LATS2: variants seen among roughly 807,000 people sequenced by gnomAD.
LATS2 encodes serine/threonine-protein kinase LATS2.
A neutral mutation model predicts 76.0 loss-of-function variants in LATS2; 24 were observed. That is an observed-to-expected ratio of 0.32 (90% confidence interval 0.23 to 0.44). LATS2 has a LOEUF of 0.44. Among genes scored for constraint, LATS2 ranks in the 20% least tolerant of loss-of-function variants. The pLI is 1.00. For synonymous variants in LATS2, 692 were observed against 635.4 expected (o/e 1.09, Z -1.34); for missense variants, 1,286 against 1,481.2 (o/e 0.87, Z 2.16).
intron 2 of LATS2, among the ~76,000 whole-genome samples, chr13:21,043,010 A>G (rs539417169): frequency 1.6e-4 from 23 of 146,696 alleles, no homozygotes; most frequent in African/African-American, 5.0e-4. Context: ...AACAAAAAAC[A>G]GTAGGAGTGA....
chr13:21,000,361 A>G (rs940490912), intron 2 of LATS2, among the ~76,000 whole-genome samples: 1 of 151,994 alleles, frequency 6.6e-6, no homozygotes, highest in Non-Finnish European at 1.5e-5. Context: ...AGCCTGGGTG[A>G]CAGAGCAAGA....
At position 20,973,656 on chromosome 13, in the gene LATS2, G is replaced by A. The variant is rs1245561171; in HGVS notation, c.*1214C>T. 1 of 230,654 alleles carries A rather than the reference G, an allele frequency of 4.3e-6. No homozygotes were observed. The allele number at this position is 230,654 out of a possible 1,614,324, so 14.3% of individuals were successfully genotyped here. A position where few individuals can be genotyped will look rare whatever the true frequency, so the allele number is the denominator to read the frequency against. ...TAGGAATATGTATTGTTTAAACCAAGTTAAGATTTGATACTTCAAAGTACA... is the reference window on the plus strand; with the variant it reads ...TAGGAATATGTATTGTTTAAACCAAATTAAGATTTGATACTTCAAAGTACA... On this transcript the variant is annotated 3_prime_UTR_variant, in exon 8 of 8. Transcript: ENST00000382592.
chr13:20,981,750 CATTCCA>C lies in LATS2; in HGVS notation c.2483-108_2483-103del. 3 of 948,492 alleles carry C rather than the reference CATTCCA, an allele frequency of 3.2e-6. No individual in the cohort carries two copies. In the South Asian group the frequency reaches 5.1e-5, roughly 16 times the overall value. 58.8% of individuals were successfully genotyped at this position (948,492 alleles called of 1,614,324 possible). On this transcript the variant is annotated intron_variant, in intron 5 of 7. Coordinates refer to ENST00000382592, the MANE Select transcript of LATS2 (RefSeq NM_014572.3). ...GATCCACAGCTTAAAACAGCAAAGTCATTCCAATCAGCTCCTGACATATCAGGACAG... is the reference window on the plus strand; with the variant it reads ...GATCCACAGCTTAAAACAGCAAAGTCATCAGCTCCTGACATATCAGGACAG...
chr13:20,983,431 G>C lies in LATS2; in HGVS notation c.2275C>G (p.Arg759Gly). Residue 759 changes from arginine (R) to glycine (G), a missense_variant, in exon 5 of 8, where the codon CGG becomes GGG. Coordinates refer to ENST00000382592, the MANE Select transcript of LATS2 (RefSeq NM_014572.3). ...AGGTGCTCAGGGAAGACCTCCATCC[G>C]GATCAGCAGGCTCATCATGTCCCCA... ...PGGDMMSLLI[R>G]MEVFPEHLAR... is the part of the protein sequence containing the mutation. 1 of 1,613,978 alleles carries C rather than the reference G, an allele frequency of 6.2e-7. No homozygotes were observed. Among genetic ancestry groups the C allele is most frequent in the Non-Finnish European group, 8.5e-7 (1 of 1,179,978 alleles).
chr13:20,978,082 A>AT (rs1869707604), intron 7 of LATS2, among the ~76,000 whole-genome samples: 1 of 151,828 alleles, frequency 6.6e-6, no homozygotes, highest in Non-Finnish European at 1.5e-5. Context: ...TGCCAGGCTA[A>AT]TTTTTTGTAT....
intron 2 of LATS2, among the ~76,000 whole-genome samples, chr13:20,997,557 G>A (rs892676997): frequency 6.6e-6 from 1 of 152,198 alleles, no homozygotes; most frequent in Non-Finnish European, 1.5e-5. Context: ...TCTGTTGCAG[G>A]TACATCACCA....
At chr13:20,981,862 C>A (rs1029008376) in intron 5 of LATS2, among the ~76,000 whole-genome samples, 4 of 152,094 alleles carry the variant, frequency 2.6e-5, no homozygotes, top group Admixed American at 2.6e-4. Context: ...GGCGCTAGCA[C>A]CAAGGTAGAA....
Position 20,973,395 on chromosome 13 carries a change from G to T in LATS2, c.*1475C>A, listed in dbSNP as rs1869426194. Reference sequence around the variant, plus strand: ...GGAAAAATATGTGGAATAATATAATGAAAATTATGAAGCATCAGATTTTTT... The same window carrying T: ...GGAAAAATATGTGGAATAATATAATTAAAATTATGAAGCATCAGATTTTTT... On this transcript the variant is annotated 3_prime_UTR_variant, in exon 8 of 8. Coordinates refer to ENST00000382592, the MANE Select transcript of LATS2 (RefSeq NM_014572.3). The T allele has an allele frequency of 1.7e-5, 4 of 231,510 alleles. No homozygotes were observed. In the East Asian group the frequency reaches 2.5e-4, roughly 14 times the overall value. 14.3% of individuals were successfully genotyped at this position (231,510 alleles called of 1,614,324 possible). A position where few individuals can be genotyped will look rare whatever the true frequency, so the allele number is the denominator to read the frequency against.
chr13:21,027,580 CCTGT>C (rs1172493975), intron 2 of LATS2, among the ~76,000 whole-genome samples: 3 of 152,162 alleles, frequency 2.0e-5, no homozygotes, highest in African/African-American at 7.2e-5. Context: ...TGTTCCACTA[CCTGT>C]CTATCTAGTC....
intron 4 of LATS2, 45 bp from the exon 5 acceptor site, chr13:20,983,851 TC>T: frequency 6.8e-7 from 1 of 1,473,486 alleles, no homozygotes; most frequent in Non-Finnish European, 9.3e-7. Context: ...ATTAGAGAAG[TC>T]CCATGATAAC....
rs1869891642 is a variant in LATS2 at position 20,981,600 on chromosome 13, T to C, written c.2531A>G (p.Asp844Gly). 1 of 1,614,170 alleles carries C rather than the reference T, an allele frequency of 6.2e-7. No homozygotes were observed. Residue 844 changes from aspartate to glycine, a missense_variant, in exon 6 of 8, where the codon GAT becomes GGT. Asp to Gly is a moderately conservative substitution (Grantham distance 94). Transcript: ENST00000382592. ...GTCCCCACACCGACAGTTAGACACA[T>C]CATCCCAGAGGTCGCTGGGCTCCAT... ...DSMEPSDLWDDVSNCRCGDRL... is the reference protein window; with the variant it reads ...DSMEPSDLWDGVSNCRCGDRL...
At chr13:21,047,934 G>A (rs1478464880) in intron 1 of LATS2, among the ~76,000 whole-genome samples, 1 of 152,088 alleles carries the variant, frequency 6.6e-6, no homozygotes, top group Non-Finnish European at 1.5e-5. Flanking sequence ...ATAAGAGAGA[G>A]ACTAAATAAA....
chr13:20,975,244 C>T lies in LATS2; in HGVS notation c.2893G>A (p.Asp965Asn), dbSNP rs749117314. Residue 965 changes from aspartate (D) to asparagine (N), a missense_variant, in exon 8 of 8, where the codon GAT (aspartate) becomes AAT (asparagine). Around this residue, in one of 5 missense-constraint regions of LATS2, gnomAD observed 210 missense variants for 234.9 expected, o/e 0.89. Coordinates refer to ENST00000382592, the MANE Select transcript of LATS2 (RefSeq NM_014572.3). ...AAGAAGGGGTGGGCCTTCAGGTCAT[C>T]GGCCCCATTCCGCCCCAGGCGGTGG... is the stretch of plus-strand genomic sequence containing the variant. ...ADHRLGRNGA[D>N]DLKAHPFFSA... 27 of 1,614,100 alleles carry T rather than the reference C, an allele frequency of 1.7e-5. No homozygotes were observed. The highest frequency in any genetic ancestry group is 8.8e-5 in the South Asian group (8 of 91,094).
rs758948258 is a variant in LATS2, at chr13:20,988,129, G to A, written c.1651C>T (p.Pro551Ser). ...EQSLRAGPNE[P>S]EGGDKSRKSA... ...TTGCGGCTCTTGTCGCCGCCCTCGG[G>A]CTCGTTGGGGCCCGCACGGAGGCTC... is the stretch of plus-strand genomic sequence containing the variant. The change falls in exon 4 of 8, where the codon CCC (proline) becomes TCC (serine). Residue 551 changes from proline to serine, a missense_variant. Physicochemically the swap from Pro to Ser is moderately conservative, Grantham distance 74 (BLOSUM62 -1). This residue lies in a region of LATS2 where 710 missense variants were observed against 660.9 expected (regional missense o/e 1.07). Transcript: ENST00000382592. 6 of 1,614,234 alleles carry A rather than the reference G, an allele frequency of 3.7e-6. No homozygotes were observed. Among genetic ancestry groups the A allele is most frequent in the Non-Finnish European group, 5.1e-6 (6 of 1,180,048 alleles).
intron 5 of LATS2, among the ~76,000 whole-genome samples, 195 bp downstream of exon 5, chr13:20,983,029 C>G (rs1869968709): frequency 6.8e-6 from 1 of 146,750 alleles, no homozygotes; most frequent in Admixed American, 6.8e-5. Flanking sequence ...CTGAAATCCA[C>G]TACCTTAAAA....
chr13:20,976,966 G>A (rs1025651434), intron 7 of LATS2, among the ~76,000 whole-genome samples: 18 of 152,138 alleles, frequency 1.2e-4, no homozygotes, highest in African/African-American at 2.2e-4. Context: ...CAAAAGAACC[G>A]GAAGCAGGGA....
chr13:21,050,465 A>G (rs1873237289), intron 1 of LATS2, among the ~76,000 whole-genome samples: 1 of 152,152 alleles, frequency 6.6e-6, no homozygotes, highest in Admixed American at 6.5e-5. Flanking sequence ...GAATTATGCA[A>G]TCTCTACTCT....
In LATS2 at chr13:20,988,870, A is replaced by G. The variant is rs558746237; in HGVS notation, c.910T>C (p.Phe304Leu). 3.2e-6 allele frequency: 5 copies of G among 1,574,224 alleles called. No homozygotes were observed. In the Admixed American group the frequency reaches 5.4e-5, roughly 17 times the overall value. Residue 304 changes from phenylalanine to leucine, a missense_variant, in exon 4 of 8, where the codon TTC (phenylalanine) becomes CTC (leucine). Physicochemically the swap from Phe to Leu is conservative, Grantham distance 22. Coordinates refer to ENST00000382592, the MANE Select transcript of LATS2 (RefSeq NM_014572.3). ...QGGPPGAGLA[F>L]PPPAAGLYVP... ...TAGAGCCCGGCGGCAGGGGGTGGGA[A>G]AGCGAGGCCGGCGCCTGGCGGTCCT... is the stretch of plus-strand genomic sequence containing the variant.
At chr13:20,986,625 G>GGT (rs1870156303) in intron 4 of LATS2, among the ~76,000 whole-genome samples, 1 of 152,042 alleles carries the variant, frequency 6.6e-6, no homozygotes, top group Non-Finnish European at 1.5e-5. Context: ...GGTGGGAAAG[G>GGT]GTGTGTGTGT....
Sources: gnomAD v4.1 joint callset for allele counts (sites outside exome capture counted in the v4.1 genomes callset) on GRCh38, gnomAD v4.1.1 for gene constraint, gnomAD v4.1.1 regional missense constraint, MANE v1.5 for transcripts, NCBI Gene and HGNC (gene_info 2026-07-23, HGNC 2026-07-21) for gene names.